Variants in MAGI2 observed in about 807,000 individuals in gnomAD.
MAGI2 encodes membrane associated guanylate kinase, WW and PDZ domain containing 2, also known as membrane-associated guanylate kinase, WW and PDZ domain-containing protein 2.
Under a neutral mutation model 133.3 loss-of-function variants are expected in MAGI2, and 35 were observed. That is an observed-to-expected ratio of 0.26 (90% confidence interval 0.20 to 0.35). The LOEUF (loss-of-function observed/expected upper bound fraction) is 0.35. MAGI2 is among the 10% of genes least tolerant of loss of function. The pLI, the probability that MAGI2 is intolerant of heterozygous loss-of-function variation, is 1.00. For missense variants in MAGI2, 1,636 were observed against 1,863.4 expected (o/e 0.88, Z 2.25); for synonymous variants, 729 against 710.6 (o/e 1.03, Z -0.41).
At chr7:79,362,562 T>C (rs1263438235) in intron 1 of MAGI2, among the ~76,000 whole-genome samples, 1 of 151,936 alleles carries the variant, frequency 6.6e-6, no homozygotes, top group African/African-American at 2.4e-5. Flanking sequence ...CAAACCAAAT[T>C]CAAAAATTTA....
At chr7:78,988,734 T>G (rs1805494112) in intron 2 of MAGI2, among the ~76,000 whole-genome samples, 1 of 152,082 alleles carries the variant, frequency 6.6e-6, no homozygotes. Flanking sequence ...TACAATGAAC[T>G]GACCACCGTG....
At chr7:78,812,788 A>G (rs1789190979) in intron 2 of MAGI2, among the ~76,000 whole-genome samples, 1 of 152,224 alleles carries the variant, frequency 6.6e-6, no homozygotes, top group Non-Finnish European at 1.5e-5. Flanking sequence ...TGAATATCAT[A>G]TCTTTTAACT....
intron 1 of MAGI2, among the ~76,000 whole-genome samples, chr7:79,243,208 C>T (rs1832558128): frequency 1.3e-5 from 2 of 152,164 alleles, no homozygotes; most frequent in Admixed American, 1.3e-4. Context: ...AGCATCAGCT[C>T]ACACATGTAC....
chr7:78,752,825 A>G (rs1271384379), intron 2 of MAGI2, among the ~76,000 whole-genome samples: 2 of 152,182 alleles, frequency 1.3e-5, no homozygotes, highest in Non-Finnish European at 2.9e-5. Context: ...GGCAGCCTCA[A>G]ATTCTGCATT....
intron 7 of MAGI2, among the ~76,000 whole-genome samples, chr7:78,357,408 A>C (rs865792050): frequency 6.6e-6 from 1 of 152,224 alleles, no homozygotes; most frequent in Non-Finnish European, 1.5e-5. Flanking sequence ...CTTGGAGATA[A>C]AATTTACATA....
chr7:78,683,144 C>T (rs970395338), intron 2 of MAGI2, among the ~76,000 whole-genome samples: 6 of 152,122 alleles, frequency 3.9e-5, no homozygotes, highest in Non-Finnish European at 8.8e-5. Flanking sequence ...AACTTGGAAT[C>T]TGAGTCCTGA....
At chr7:78,251,671 T>A (rs543752722) in intron 10 of MAGI2, 77 of 152,170 alleles carry the variant, frequency 5.1e-4, no homozygotes, top group Admixed American at 4.7e-3. Context: ...AAGTACAAGA[T>A]CTGTACATTG....
intron 1 of MAGI2, among the ~76,000 whole-genome samples, chr7:79,202,217 C>T (rs1828669249): frequency 6.6e-6 from 1 of 151,778 alleles, no homozygotes; most frequent in Non-Finnish European, 1.5e-5. Flanking sequence ...TGGTTAAAAA[C>T]CTGTTTGCTT....
intron 21 of MAGI2, among the ~76,000 whole-genome samples, chr7:78,042,294 C>T (rs968197460): frequency 2.0e-5 from 3 of 152,108 alleles, no homozygotes; most frequent in African/African-American, 7.2e-5. Flanking sequence ...CAAAGAGGAA[C>T]GATATGATAA....
intron 10 of MAGI2, among the ~76,000 whole-genome samples, chr7:78,210,316 G>C (rs947395297): frequency 1.3e-5 from 2 of 152,142 alleles, no homozygotes; most frequent in Non-Finnish European, 2.9e-5. Context: ...GAGGAATGTA[G>C]GATACAGAGA....
At chr7:79,418,006 T>C (rs1373441204) in intron 1 of MAGI2, among the ~76,000 whole-genome samples, 1 of 152,070 alleles carries the variant, frequency 6.6e-6, no homozygotes, top group Non-Finnish European at 1.5e-5. Flanking sequence ...ATTTTTTTCA[T>C]GTGTACAGGC....
Position 78,312,669 on chromosome 7 carries a change from G to A in MAGI2, c.1408+31109C>T, listed in dbSNP as rs982997486. 3.9e-5 allele frequency among the ~76,000 whole-genome samples: 6 copies of A among 152,172 alleles called. No homozygotes were observed. In the South Asian group the frequency reaches 6.2e-4, roughly 16 times the overall value. Reference sequence around the variant, plus strand: ...ATGTTGGTGAAGACATGGAGAAAACGAAATGCTTATACACTGCTGGTGGGA... The same window carrying A: ...ATGTTGGTGAAGACATGGAGAAAACAAAATGCTTATACACTGCTGGTGGGA... On this transcript the variant is annotated intron_variant, in intron 9 of 21. Transcript: ENST00000354212.
At chr7:78,331,897 A>G (rs1457441451) in intron 9 of MAGI2, among the ~76,000 whole-genome samples, 2 of 152,238 alleles carry the variant, frequency 1.3e-5, no homozygotes, top group Non-Finnish European at 2.9e-5. Flanking sequence ...ACTTAAAAAT[A>G]ATAGTAATAA....
At chr7:78,842,901 A>G (rs1792268997) in intron 2 of MAGI2, among the ~76,000 whole-genome samples, 1 of 151,818 alleles carries the variant, frequency 6.6e-6, no homozygotes, top group African/African-American at 2.4e-5. Flanking sequence ...AAAATTTACA[A>G]TATAGGTTTA....
At chr7:78,621,928 G>A (rs986999102) in intron 3 of MAGI2, among the ~76,000 whole-genome samples, 44 of 151,980 alleles carry the variant, frequency 2.9e-4, no homozygotes, top group Middle Eastern at 3.4e-3. Context: ...ACTATTTTTC[G>A]GATGAGTGTT....
intron 7 of MAGI2, among the ~76,000 whole-genome samples, chr7:78,360,336 G>A (rs971216967): frequency 2.6e-5 from 4 of 152,184 alleles, no homozygotes; most frequent in Non-Finnish European, 2.9e-5. Flanking sequence ...TGGCAGTGTT[G>A]TTTAATATGC....
At chr7:79,380,603 T>G (rs1330474981) in intron 1 of MAGI2, among the ~76,000 whole-genome samples, 1 of 151,834 alleles carries the variant, frequency 6.6e-6, no homozygotes, top group Non-Finnish European at 1.5e-5. Context: ...ATTTGAAGCC[T>G]AGTTCTGATC....
At chr7:79,339,615 A>G (rs559828852) in intron 1 of MAGI2, among the ~76,000 whole-genome samples, 2 of 152,186 alleles carry the variant, frequency 1.3e-5, no homozygotes, top group East Asian at 3.9e-4. Flanking sequence ...TAGTTCTACT[A>G]CGTATATTAA....
intron 3 of MAGI2, among the ~76,000 whole-genome samples, chr7:78,623,867 C>T (rs1299376027): frequency 6.6e-6 from 1 of 152,060 alleles, no homozygotes; most frequent in Non-Finnish European, 1.5e-5. Flanking sequence ...TTCTTATTGC[C>T]CATTGACACT....
Sources: allele counts gnomAD v4.1 joint callset (sites outside exome capture counted in the v4.1 genomes callset), GRCh38; gene constraint gnomAD v4.1.1; transcripts MANE v1.5; gene names NCBI Gene and HGNC (gene_info 2026-07-23, HGNC 2026-07-21).